Variants in ONECUT2 observed in about 807,000 individuals in gnomAD.
ONECUT2 encodes the protein one cut domain family member 2.
Under a neutral mutation model 27.9 loss-of-function variants are expected in ONECUT2, and 10 were observed. The observed-to-expected ratio is 0.36, with a 90% CI of 0.22 to 0.61. ONECUT2 has a LOEUF of 0.61. Ranked by LOEUF, ONECUT2 falls within the 20% of genes least tolerant of loss-of-function variation. The pLI is 0.73. For synonymous variants in ONECUT2, 334 were observed against 315.1 expected, an observed-to-expected ratio of 1.06 and a Z score of -0.64; for missense variants, 686 against 721.0, an observed-to-expected ratio of 0.95 and a Z score of 0.56.
At chr18:57,441,620 C>A (rs1429991418) in intron 1 of ONECUT2, among the ~76,000 whole-genome samples, 1 of 152,264 alleles carries the variant, frequency 6.6e-6, no homozygotes, top group Non-Finnish European at 1.5e-5. Flanking sequence ...GAACGGTGCC[C>A]GAGTCTTCCT....
rs1380917414 is a variant in ONECUT2, at chr18:57,491,269, A to C, written c.*14546A>C. On this transcript the variant is annotated 3_prime_UTR_variant, in exon 2 of 2. Transcript: ENST00000491143. ...TGGTAGTGCTGTAAATTCTGCAATT[A>C]ATGTTAAATAAACTGCTTTAATTCA... The C allele has an allele frequency of 2.0e-5, 2 of 101,952 alleles. No homozygotes were observed. The highest frequency in any genetic ancestry group is 4.8e-5 in the Non-Finnish European group (2 of 41,386). 6.3% of individuals were successfully genotyped at this position (101,952 alleles called of 1,614,324 possible).
At chr18:57,445,567 T>C (rs879340020) in intron 1 of ONECUT2, among the ~76,000 whole-genome samples, 15 of 152,168 alleles carry the variant, frequency 9.9e-5, no homozygotes, top group Non-Finnish European at 2.2e-4. Context: ...TACATTCATG[T>C]TTGTTTTATG....
At position 57,478,820 on chromosome 18, in the gene ONECUT2, T is replaced by C. The variant is rs1268571195; in HGVS notation, c.*2097T>C. 1.3e-5 allele frequency: 2 copies of C among 152,540 alleles called. No individual in the cohort carries two copies. The highest frequency in any genetic ancestry group is 4.8e-5 in the African/African-American group (2 of 41,464). 9.4% of individuals were successfully genotyped at this position (152,540 alleles called of 1,614,324 possible). On this transcript the variant is annotated 3_prime_UTR_variant, in exon 2 of 2. Coordinates refer to ENST00000491143, the MANE Select transcript of ONECUT2 (RefSeq NM_004852.3). ...ATTATCTCCTCTTGCCTGGCTAAAATACTAATAGCGCCATTGAACTGTATA... is the reference window on the plus strand; with the variant it reads ...ATTATCTCCTCTTGCCTGGCTAAAACACTAATAGCGCCATTGAACTGTATA...
rs76314315 is a variant in ONECUT2, at chr18:57,441,388, G to A, written c.1228+4444G>A. 5.3e-3 allele frequency among the ~76,000 whole-genome samples: 806 copies of A among 152,328 alleles called. 8 individuals are homozygous for A. Among genetic ancestry groups the A allele is most frequent in the African/African-American group, 0.019 (783 of 41,574 alleles). ...GGCCCCGCGGTTTTCCAGCGGTGCC[G>A]CTTCGCCAGCTCTGCGCGGGTTCTC... On this transcript the variant is annotated intron_variant, in intron 1 of 1. Coordinates refer to ENST00000491143, the MANE Select transcript of ONECUT2 (RefSeq NM_004852.3).
chr18:57,458,751 A>C (rs2050273805), intron 1 of ONECUT2, among the ~76,000 whole-genome samples: 1 of 152,162 alleles, frequency 6.6e-6, no homozygotes, highest in Admixed American at 6.5e-5. Context: ...ACCGAGAAGC[A>C]AAATGAGAGG....
At chr18:57,469,339 G>T (rs1029929170) in intron 1 of ONECUT2, among the ~76,000 whole-genome samples, 1 of 152,126 alleles carries the variant, frequency 6.6e-6, no homozygotes, top group African/African-American at 2.4e-5. Context: ...ACCCTGGATG[G>T]TCTCTCTCCC....
In ONECUT2 at chr18:57,435,873, G is replaced by C; in HGVS notation, c.157G>C (p.Gly53Arg). The C allele has an allele frequency of 2.9e-6, 3 of 1,032,214 alleles. No individual in the cohort carries two copies. The highest frequency in any genetic ancestry group is 4.7e-4 in the Middle Eastern group (1 of 2,108). The allele number at this position is 1,032,214 out of a possible 1,614,324, so 63.9% of individuals were successfully genotyped here. A position where few individuals can be genotyped will look rare whatever the true frequency, so the allele number is the denominator to read the frequency against. Reference sequence around the variant, plus strand: ...CGGCGGGGGCGGCGGGGGCGGCGGCGGGGGCCCGGGCCATGAGCAGGAGCT... The same window carrying C: ...CGGCGGGGGCGGCGGGGGCGGCGGCCGGGGCCCGGGCCATGAGCAGGAGCT... Reference protein sequence around the residue: ...GGGGGGGGGGGGPGHEQELLA... With the variant: ...GGGGGGGGGGRGPGHEQELLA... The change falls in exon 1 of 2, where the codon GGG becomes CGG. Residue 53 changes from glycine (G) to arginine (R), a missense_variant. Transcript: ENST00000491143.
rs1341291352 is a variant in ONECUT2 at position 57,484,361 on chromosome 18, A to G, written c.*7638A>G. On this transcript the variant is annotated 3_prime_UTR_variant, in exon 2 of 2. Coordinates refer to ENST00000491143, the MANE Select transcript of ONECUT2 (RefSeq NM_004852.3). ...GTCTGCATTTTGCTTGTGCTCTTTT[A>G]TAATTTGAACGATTTTCTCTGACAT... is the stretch of plus-strand genomic sequence containing the variant. The G allele has an allele frequency of 2.6e-5, 4 of 152,644 alleles. No homozygotes were observed. The highest frequency in any genetic ancestry group is 5.9e-5 in the Non-Finnish European group (4 of 68,032). 9.5% of individuals were successfully genotyped at this position (152,644 alleles called of 1,614,324 possible). A position where few individuals can be genotyped will look rare whatever the true frequency, so the allele number is the denominator to read the frequency against.
In ONECUT2 at chr18:57,476,427, T is replaced by C; in HGVS notation, c.1229-10T>C. The C allele has an allele frequency of 6.2e-7, 1 of 1,611,786 alleles. No individual in the cohort carries two copies. The highest frequency in any genetic ancestry group is 8.5e-7 in the Non-Finnish European group (1 of 1,178,376). On this transcript the variant is annotated splice_polypyrimidine_tract_variant and intron_variant, in intron 1 of 1. Coordinates refer to ENST00000491143, the MANE Select transcript of ONECUT2 (RefSeq NM_004852.3). The stretch of plus-strand genomic sequence containing the variant: ...CACTGACTCCTCTCCTTCTTCTCTT[T>C]CCCTTCAAGCGTGCAAACGCAAAGA...
chr18:57,440,067 G>C (rs546540450), intron 1 of ONECUT2, among the ~76,000 whole-genome samples: 378 of 152,358 alleles, frequency 2.5e-3, no homozygotes, highest in Middle Eastern at 6.8e-3. Flanking sequence ...GAGAAATTTA[G>C]ATTGCCCCAA....
At chr18:57,467,385 AGACAGAGCCTTGCTCTGT>A (rs1331108084) in intron 1 of ONECUT2, among the ~76,000 whole-genome samples, 1 of 151,852 alleles carries the variant, frequency 6.6e-6, no homozygotes, top group East Asian at 1.9e-4. Flanking sequence ...TTTTTTCCTA[AGACAGAGCCTTGCTCTGT>A]CACCCAGGCG....
intron 1 of ONECUT2, chr18:57,444,319 C>T (rs2050190599): frequency 2.2e-6 from 1 of 456,244 alleles, no homozygotes; most frequent in Non-Finnish European, 4.4e-6. Context: ...GGCTTTATTA[C>T]TTATGTTGCA....
In ONECUT2 at chr18:57,436,003, C is replaced by A; in HGVS notation, c.287C>A (p.Ala96Glu). Residue 96 changes from alanine (A) to glutamate (E), a missense_variant, in exon 1 of 2, where the codon GCG (alanine) becomes GAG (glutamate). Physicochemically the swap from Ala to Glu is moderately radical, Grantham distance 107 (BLOSUM62 -1). This residue lies in a region of ONECUT2 where 511 missense variants were observed against 488.1 expected (regional missense o/e 1.05). Coordinates refer to ENST00000491143, the MANE Select transcript of ONECUT2 (RefSeq NM_004852.3). The surrounding 1 kb of genome is among the most constrained non-coding windows in gnomAD (Gnocchi z 5.9). Reference protein sequence around the residue: ...TAHQELGTAAAAAAAASRSAM... With the variant: ...TAHQELGTAAEAAAAASRSAM... ...CACCAGGAGCTGGGCACGGCGGCAG[C>A]GGCGGCAGCGGCGGCGTCGCGCTCG... 6.7e-7 allele frequency: 1 copy of A among 1,499,510 alleles called. No individual in the cohort carries two copies. The highest frequency in any genetic ancestry group is 1.3e-5 in the South Asian group (1 of 78,686). The allele number at this position is 1,499,510 out of a possible 1,614,324, so 92.9% of individuals were successfully genotyped here.
rs2050396195 is a variant in ONECUT2 at position 57,478,283 on chromosome 18, C to T, written c.*1560C>T. ...CAAAGGTCACAATGTGCATATTTAC[C>T]AGTGAATGGCCCCGGGTGGGGCCAC... On this transcript the variant is annotated 3_prime_UTR_variant, in exon 2 of 2. Transcript: ENST00000491143. The T allele has an allele frequency of 6.6e-6, 1 of 152,476 alleles. No homozygotes were observed. Among genetic ancestry groups the T allele is most frequent in the Non-Finnish European group, 1.5e-5 (1 of 68,044 alleles). 9.4% of individuals were successfully genotyped at this position (152,476 alleles called of 1,614,324 possible). A position where few individuals can be genotyped will look rare whatever the true frequency, so the allele number is the denominator to read the frequency against.
intron 1 of ONECUT2, among the ~76,000 whole-genome samples, chr18:57,471,325 C>G (rs1434616101): frequency 1.3e-5 from 2 of 152,226 alleles, no homozygotes; most frequent in Non-Finnish European, 2.9e-5. Context: ...CAAAGTAGAC[C>G]TGGCCCACAT....
At chr18:57,437,969 C>T (rs535535815) in intron 1 of ONECUT2, among the ~76,000 whole-genome samples, 1 of 152,352 alleles carries the variant, frequency 6.6e-6, no homozygotes, top group East Asian at 1.9e-4. Flanking sequence ...CGGGAGGGGA[C>T]GGGTAGAGGC....
intron 1 of ONECUT2, among the ~76,000 whole-genome samples, chr18:57,468,451 G>A (rs565426656): frequency 3.3e-5 from 5 of 152,306 alleles, no homozygotes; most frequent in East Asian, 1.9e-4. Flanking sequence ...TTGGTGATGC[G>A]TCAGAAATCA....
intron 1 of ONECUT2, among the ~76,000 whole-genome samples, chr18:57,460,974 C>T (rs192783795): frequency 1.2e-4 from 19 of 152,318 alleles, no homozygotes; most frequent in East Asian, 3.9e-4. Flanking sequence ...TGAGCCACCA[C>T]GCCTGGACCC....
chr18:57,488,694 G>A lies in ONECUT2; in HGVS notation c.*11971G>A, dbSNP rs2050449958. 6.6e-6 allele frequency: 1 copy of A among 152,638 alleles called. No individual in the cohort carries two copies. The highest frequency in any genetic ancestry group is 1.5e-5 in the Non-Finnish European group (1 of 68,038). 9.5% of individuals were successfully genotyped at this position (152,638 alleles called of 1,614,324 possible). A position where few individuals can be genotyped will look rare whatever the true frequency, so the allele number is the denominator to read the frequency against. ...AAAGGGTTTTTACTCAGTGCTTTGT[G>A]CCAATGGATGTCCTTTTCCTTGGAG... On this transcript the variant is annotated 3_prime_UTR_variant, in exon 2 of 2. Coordinates refer to ENST00000491143, the MANE Select transcript of ONECUT2 (RefSeq NM_004852.3).
Sources: allele counts gnomAD v4.1 joint callset (sites outside exome capture counted in the v4.1 genomes callset), GRCh38; gene constraint gnomAD v4.1.1; regional missense constraint gnomAD v4.1.1; non-coding constraint Gnocchi (gnomAD v3.1); transcripts MANE v1.5; gene names NCBI Gene and HGNC (gene_info 2026-07-23, HGNC 2026-07-21).